The following TBC1D5 variants were observed in gnomAD, a reference collection of about 807,000 sequenced individuals.
TBC1D5 encodes TBC1 domain family, member 5.
Under a neutral mutation model 100.3 loss-of-function variants are expected in TBC1D5, and 75 were observed. That is an observed-to-expected ratio of 0.75 (90% CI 0.62 to 0.91). The LOEUF (loss-of-function observed/expected upper bound fraction) is 0.91, where lower values mean the gene tolerates loss of function less well. Ranked by LOEUF, TBC1D5 falls within the 40% of genes least tolerant of loss-of-function variation. The pLI, the probability that TBC1D5 is intolerant of heterozygous loss-of-function variation, is 0.00. For synonymous variants in TBC1D5, 323 were observed against 325.6 expected, an observed-to-expected ratio of 0.99 and a Z score of 0.09; for missense variants, 910 against 942.4, an observed-to-expected ratio of 0.97 and a Z score of 0.45.
intron 2 of TBC1D5, among the ~76,000 whole-genome samples, chr3:17,563,937 C>G (rs891245885): frequency 6.6e-6 from 1 of 152,198 alleles, no homozygotes; most frequent in Non-Finnish European, 1.5e-5. Flanking sequence ...CGCCCGCCAC[C>G]ATGCCTGGCT....
chr3:17,476,932 T>G lies in TBC1D5; in HGVS notation c.97+31542A>C, dbSNP rs151158314. Among the ~76,000 whole-genome samples the G allele has an allele frequency of 7.6e-3, 1,154 of 152,086 alleles. 16 individuals are homozygous for G. Among genetic ancestry groups the G allele is most frequent in the African/African-American group, 0.027 (1,108 of 41,564 alleles). ...TGCACACGTTATATAACAAGGAATA[T>G]AGGTAAACTAAATTATTAAATTCTA... On this transcript the variant is annotated intron_variant, in intron 3 of 21. Coordinates refer to ENST00000253692, the Ensembl canonical transcript of TBC1D5.
chr3:17,732,190 C>T (rs1025385109), intron 1 of TBC1D5, among the ~76,000 whole-genome samples: 3 of 151,928 alleles, frequency 2.0e-5, no homozygotes, highest in Non-Finnish European at 4.4e-5. Flanking sequence ...TGGTGGTGGG[C>T]GCCTGTAATC....
chr3:17,171,083 T>C (rs1488288936), intron 19 of TBC1D5, among the ~76,000 whole-genome samples: 2 of 152,206 alleles, frequency 1.3e-5, no homozygotes, highest in African/African-American at 2.4e-5. Flanking sequence ...GTCCTAGTCA[T>C]GCCCTGTTTT....
At chr3:17,531,386 TATC>T (rs2096222530) in intron 2 of TBC1D5, among the ~76,000 whole-genome samples, 1 of 152,164 alleles carries the variant, frequency 6.6e-6, no homozygotes, top group Non-Finnish European at 1.5e-5. Context: ...GAAGAATCAA[TATC>T]ATGAAAATGG....
chr3:17,610,929 G>A (rs1353891499), intron 2 of TBC1D5, among the ~76,000 whole-genome samples: 4 of 152,142 alleles, frequency 2.6e-5, no homozygotes, highest in Non-Finnish European at 5.9e-5. Flanking sequence ...AGAATGACTT[G>A]AACCTGGGAG....
At chr3:17,426,318 G>A (rs916000630) in intron 4 of TBC1D5, among the ~76,000 whole-genome samples, 1 of 152,076 alleles carries the variant, frequency 6.6e-6, no homozygotes, top group Non-Finnish European at 1.5e-5. Flanking sequence ...CTATACCACA[G>A]AGCTGTGCTT....
At chr3:17,687,877 T>C (rs576780510) in intron 1 of TBC1D5, among the ~76,000 whole-genome samples, 2 of 152,294 alleles carry the variant, frequency 1.3e-5, no homozygotes, top group East Asian at 3.9e-4. Flanking sequence ...GCTATAAAAC[T>C]GGGATTCTTT....
intron 1 of TBC1D5, among the ~76,000 whole-genome samples, chr3:17,705,662 G>C (rs1416007916): frequency 1.5e-5 from 2 of 136,034 alleles, no homozygotes; most frequent in Admixed American, 7.2e-5. Context: ...CGGCCGGGCA[G>C]AGACGCTCCT....
chr3:17,655,993 C>A (rs1167399900), intron 1 of TBC1D5, among the ~76,000 whole-genome samples: 1 of 152,132 alleles, frequency 6.6e-6, no homozygotes, highest in East Asian at 1.9e-4. Context: ...ACTTTGTTAC[C>A]GCAACCTTAG....
chr3:17,424,314 G>A (rs902480427), intron 4 of TBC1D5, among the ~76,000 whole-genome samples: 3 of 152,172 alleles, frequency 2.0e-5, no homozygotes, highest in Non-Finnish European at 4.4e-5. Context: ...CTCTTTTGGC[G>A]AGGAGAAGGT....
chr3:17,699,773 CCA>C (rs1027237388), intron 1 of TBC1D5, among the ~76,000 whole-genome samples: 3 of 149,510 alleles, frequency 2.0e-5, no homozygotes, highest in African/African-American at 7.4e-5. Flanking sequence ...TTTAAAATTA[CCA>C]CAGAGTATTG....
In TBC1D5 at chr3:17,392,141, A is replaced by T. The variant is rs575603386; in HGVS notation, c.510-8126T>A. Reference sequence around the variant, plus strand: ...TGTGACTGTAAAAGCCTTTGTTAAGATCTCAGAAAGCTCTAAGATGATGCC... The same window carrying T: ...TGTGACTGTAAAAGCCTTTGTTAAGTTCTCAGAAAGCTCTAAGATGATGCC... On this transcript the variant is annotated intron_variant, in intron 8 of 21. Transcript: ENST00000253692. Among the ~76,000 whole-genome samples the T allele has an allele frequency of 5.4e-4, 82 of 152,244 alleles. 1 individual carries two copies. In the South Asian group the frequency reaches 0.016, roughly 30 times the overall value.
intron 13 of TBC1D5, among the ~76,000 whole-genome samples, chr3:17,360,235 T>C (rs1229196445): frequency 6.6e-6 from 1 of 152,032 alleles, no homozygotes; most frequent in Non-Finnish European, 1.5e-5. Context: ...TTAGATGGTA[T>C]TTTGTAATTA....
intron 15 of TBC1D5, among the ~76,000 whole-genome samples, chr3:17,276,269 G>A (rs901982660): frequency 6.6e-6 from 1 of 152,170 alleles, no homozygotes. Context: ...TCCCAACTAT[G>A]AGGGGAGAGC....
chr3:17,355,673 TAC>T (rs2091146746), intron 13 of TBC1D5, among the ~76,000 whole-genome samples: 1 of 152,122 alleles, frequency 6.6e-6, no homozygotes, highest in Admixed American at 6.6e-5. Context: ...CCAAAATTTA[TAC>T]ATGAAATGAA....
rs558607829 is a variant in TBC1D5 at position 17,472,185 on chromosome 3, C to G, written c.97+36289G>C. 1.1e-4 allele frequency among the ~76,000 whole-genome samples: 17 copies of G among 149,786 alleles called. No homozygotes were observed. The South Asian group carries it at 1.5e-3, about 13-fold the overall frequency. The stretch of plus-strand genomic sequence containing the variant: ...GATGGAGTCTCACTCTGTTGCCAGG[C>G]TGGAGTGCAGTGATGTGATCTCAGC... On this transcript the variant is annotated intron_variant, in intron 3 of 21. Coordinates refer to ENST00000253692, the Ensembl canonical transcript of TBC1D5.
intron 7 of TBC1D5, among the ~76,000 whole-genome samples, chr3:17,403,635 A>G (rs910541507): frequency 8.5e-5 from 13 of 152,156 alleles, no homozygotes; most frequent in African/African-American, 3.1e-4. Context: ...TCTATTAGGT[A>G]TTATAAGTAA....
intron 13 of TBC1D5, among the ~76,000 whole-genome samples, chr3:17,363,323 G>A (rs1169558965): frequency 6.6e-6 from 1 of 151,550 alleles, no homozygotes; most frequent in East Asian, 1.9e-4. Context: ...TAATCCAATT[G>A]GTCAGATTTC....
intron 21 of TBC1D5, among the ~76,000 whole-genome samples, chr3:17,165,098 G>T (rs986470462): frequency 1.3e-5 from 2 of 152,168 alleles, no homozygotes; most frequent in African/African-American, 4.8e-5. Flanking sequence ...TGCACGTGAT[G>T]AGGCCGTGCC....
Sources: gnomAD v4.1 joint callset for allele counts (sites outside exome capture counted in the v4.1 genomes callset) on GRCh38, gnomAD v4.1.1 for gene constraint, MANE v1.5 for transcripts, NCBI Gene and HGNC (gene_info 2026-07-23, HGNC 2026-07-21) for gene names.